The following ZBTB20 variants were observed in gnomAD, a reference collection of about 807,000 sequenced individuals.
ZBTB20 encodes the protein zinc finger and BTB domain-containing protein 20.
Under a neutral mutation model 56.9 loss-of-function variants are expected in ZBTB20, and 9 were observed. That is an observed-to-expected ratio of 0.16 (90% CI 0.10 to 0.28). The LOEUF (loss-of-function observed/expected upper bound fraction) is 0.28, where lower values mean the gene tolerates loss of function less well. ZBTB20 is among the 10% of genes least tolerant of loss of function. The probability of loss-of-function intolerance (pLI) is 1.00; values close to 1 mark genes in which losing one functional copy is unlikely to be tolerated. For missense variants in ZBTB20, 655 were observed against 1,003.0 expected (o/e 0.65, Z 4.69); for synonymous variants, 417 against 420.7 (o/e 0.99, Z 0.11).
intron 2 of ZBTB20, among the ~76,000 whole-genome samples, chr3:115,011,300 G>A (rs1383910319): frequency 6.6e-6 from 1 of 151,830 alleles, no homozygotes; most frequent in Non-Finnish European, 1.5e-5. Context: ...CCAAGTACGA[G>A]AAGGTTATAG....
intron 5 of ZBTB20, among the ~76,000 whole-genome samples, chr3:114,769,573 A>C (rs979783268): frequency 1.4e-5 from 2 of 139,354 alleles, no homozygotes; most frequent in East Asian, 4.1e-4. Context: ...ATATATATAT[A>C]TATATATATA....
chr3:114,468,528 G>C (rs1191232349), intron 7 of ZBTB20, among the ~76,000 whole-genome samples: 1 of 152,064 alleles, frequency 6.6e-6, no homozygotes, highest in Admixed American at 6.6e-5. Flanking sequence ...TGTATACATA[G>C]TTTAGTAATC....
rs1041531515 is a variant in ZBTB20, at chr3:114,942,441, G to C, written c.-456+31925C>G. Among the ~76,000 whole-genome samples, 6 of 145,070 alleles carry C rather than the reference G, an allele frequency of 4.1e-5. 1 individual carries two copies. Among genetic ancestry groups the C allele is most frequent in the Non-Finnish European group, 5.9e-5 (4 of 67,646 alleles). On this transcript the variant is annotated intron_variant, in intron 3 of 11. Transcript: ENST00000675478. ...ATTTGTAAGAAATTCATATAGAGGG[G>C]AGTATAAAACACATATGGAAAAGGA...
rs143580928 is a variant in ZBTB20 at position 114,490,704 on chromosome 3, T to C, written c.-255+9648A>G. 4.6e-5 allele frequency among the ~76,000 whole-genome samples: 7 copies of C among 152,350 alleles called. No homozygotes were observed. In the East Asian group the frequency reaches 1.3e-3, roughly 29 times the overall value. On this transcript the variant is annotated intron_variant, in intron 7 of 11. Transcript: ENST00000675478. Reference sequence around the variant, plus strand: ...CCATACTTCAAGTAGATGATCTAATTGTTTCTAAATCATCATATTTTAGCA... The same window carrying C: ...CCATACTTCAAGTAGATGATCTAATCGTTTCTAAATCATCATATTTTAGCA...
At chr3:114,547,328 C>G (rs2050010737) in intron 6 of ZBTB20, among the ~76,000 whole-genome samples, 1 of 152,074 alleles carries the variant, frequency 6.6e-6, no homozygotes, top group Admixed American at 6.6e-5. Context: ...GGAAGGGTGG[C>G]CTATTCAAGC....
At chr3:114,467,214 G>T (rs186891092) in intron 7 of ZBTB20, among the ~76,000 whole-genome samples, 1 of 152,308 alleles carries the variant, frequency 6.6e-6, no homozygotes, top group Non-Finnish European at 1.5e-5. Context: ...ACCCACATGT[G>T]CAGTACCAGA....
chr3:114,921,032 C>T (rs1163768474), intron 3 of ZBTB20, among the ~76,000 whole-genome samples: 1 of 152,084 alleles, frequency 6.6e-6, no homozygotes. Flanking sequence ...AAGACTGCAT[C>T]ATAAATAATA....
At chr3:114,797,668 G>C (rs745587268) in intron 5 of ZBTB20, among the ~76,000 whole-genome samples, 3 of 151,918 alleles carry the variant, frequency 2.0e-5, no homozygotes, top group Non-Finnish European at 2.9e-5. Context: ...ATAAAGGAAA[G>C]GGAGAAGAGG....
chr3:114,993,485 G>A (rs1304673085), intron 2 of ZBTB20, among the ~76,000 whole-genome samples: 1 of 151,720 alleles, frequency 6.6e-6, no homozygotes, highest in Non-Finnish European at 1.5e-5. Flanking sequence ...CAACTAATGT[G>A]TAATATTTAT....
intron 2 of ZBTB20, among the ~76,000 whole-genome samples, chr3:115,026,508 T>A (rs1017607451): frequency 6.6e-6 from 1 of 150,938 alleles, no homozygotes; most frequent in Admixed American, 6.6e-5. Context: ...ACTCAAAGCA[T>A]GTCATAGTTT....
chr3:114,584,931 C>T (rs2055024866), intron 6 of ZBTB20, among the ~76,000 whole-genome samples: 1 of 152,138 alleles, frequency 6.6e-6, no homozygotes, highest in Non-Finnish European at 1.5e-5. Flanking sequence ...ATAAGAGCAG[C>T]TCAGTTTTAT....
chr3:114,496,532 T>C (rs1278211154), intron 7 of ZBTB20, among the ~76,000 whole-genome samples: 1 of 152,112 alleles, frequency 6.6e-6, no homozygotes, highest in Non-Finnish European at 1.5e-5. Flanking sequence ...CAGAAAGCAA[T>C]ATAGAGAAGG....
intron 4 of ZBTB20, among the ~76,000 whole-genome samples, chr3:114,809,892 A>G (rs2072391045): frequency 6.6e-6 from 1 of 152,224 alleles, no homozygotes; most frequent in Non-Finnish European, 1.5e-5. Context: ...TGCCTAACAT[A>G]ACTCTGTGCA....
intron 4 of ZBTB20, among the ~76,000 whole-genome samples, chr3:114,803,198 G>A (rs921903631): frequency 4.0e-5 from 6 of 150,542 alleles, no homozygotes; most frequent in African/African-American, 1.2e-4. Context: ...TCCTGTTGAG[G>A]GAAACTTGGT....
intron 6 of ZBTB20, among the ~76,000 whole-genome samples, chr3:114,552,246 T>C (rs2050677467): frequency 6.6e-6 from 1 of 152,096 alleles, no homozygotes; most frequent in Non-Finnish European, 1.5e-5. Context: ...AAATTCTAGA[T>C]ATCCAGGTAT....
chr3:114,803,779 GTTTT>G lies in ZBTB20; in HGVS notation c.-416-2609_-416-2606del, dbSNP rs34171249. ...CACTTTTGTCTATTTTCAACTTTCT[GTTTT>G]TTTTTTTTTTTTTAATTCAAATTCA... On this transcript the variant is annotated intron_variant, in intron 4 of 11. Coordinates refer to ENST00000675478, the MANE Select transcript of ZBTB20 (RefSeq NM_001348800.3). Among the ~76,000 whole-genome samples, 1,153 of 144,346 alleles carry G rather than the reference GTTTT, an allele frequency of 8.0e-3. 3 individuals carry two copies. Among genetic ancestry groups the G allele is most frequent in the South Asian group, 0.019 (88 of 4,590 alleles). 94.7% of individuals were successfully genotyped at this position (144,346 alleles called of 152,430 possible).
intron 7 of ZBTB20, among the ~76,000 whole-genome samples, chr3:114,400,460 G>T (rs553833454): frequency 6.6e-6 from 1 of 152,146 alleles, no homozygotes; most frequent in South Asian, 2.1e-4. Context: ...GGAACTGACA[G>T]CCAGTCCACT....
At chr3:114,738,381 T>C (rs2066337005) in intron 5 of ZBTB20, among the ~76,000 whole-genome samples, 1 of 152,128 alleles carries the variant, frequency 6.6e-6, no homozygotes, top group African/African-American at 2.4e-5. Context: ...ACAACTTTTA[T>C]TTTTAATCGG....
chr3:114,775,252 T>G (rs757877369), intron 5 of ZBTB20, among the ~76,000 whole-genome samples: 1 of 152,122 alleles, frequency 6.6e-6, no homozygotes, highest in African/African-American at 2.4e-5. Context: ...AAAAAAAATA[T>G]GTTGTATCAG....
Sources: gnomAD v4.1 joint callset for allele counts (sites outside exome capture counted in the v4.1 genomes callset) on GRCh38, gnomAD v4.1.1 for gene constraint, MANE v1.5 for transcripts, NCBI Gene and HGNC (gene_info 2026-07-23, HGNC 2026-07-21) for gene names.